Variants in FAM149B1 observed in about 807,000 individuals in gnomAD.
The protein encoded by FAM149B1 is family with sequence similarity 149 member B1.
Under a neutral mutation model 75.3 loss-of-function variants are expected in FAM149B1, and 56 were observed. The ratio of observed to expected loss-of-function variants is 0.74; its 90% CI spans 0.60 to 0.93. FAM149B1 has a LOEUF of 0.93. FAM149B1 is among the 40% of genes least tolerant of loss of function. FAM149B1 has a pLI of 0.00. For synonymous variants in FAM149B1, 259 were observed against 256.1 expected, an observed-to-expected ratio of 1.01 and a Z score of -0.11; for missense variants, 639 against 708.4, an observed-to-expected ratio of 0.90 and a Z score of 1.11.
chr10:73,171,251 A>T (rs922547868), intron 1 of FAM149B1, among the ~76,000 whole-genome samples: 6 of 151,894 alleles, frequency 4.0e-5, no homozygotes, highest in African/African-American at 1.5e-4. Context: ...CTTGTTCTTG[A>T]TTGTTGATTT....
chr10:73,205,026 G>A (rs2043024741), intron 5 of FAM149B1, among the ~76,000 whole-genome samples: 1 of 119,860 alleles, frequency 8.3e-6, no homozygotes, highest in African/African-American at 3.2e-5. Context: ...TGTTAGCCAG[G>A]ATGGTCTCAA....
At chr10:73,169,475 G>A (rs1448929979) in intron 1 of FAM149B1, among the ~76,000 whole-genome samples, 1 of 114,022 alleles carries the variant, frequency 8.8e-6, no homozygotes, top group Non-Finnish European at 1.8e-5. Flanking sequence ...TTTTTTTTTT[G>A]GAGACAGGGT....
intron 4 of FAM149B1, 87 bp downstream of exon 4, chr10:73,192,785 T>A (rs2042715289): frequency 8.2e-7 from 1 of 1,226,808 alleles, no homozygotes; most frequent in Non-Finnish European, 1.1e-6. Flanking sequence ...TATTCTGAAA[T>A]CTTTATGAGC....
In FAM149B1 at chr10:73,220,418, G is replaced by C. The variant is rs573417582; in HGVS notation, c.899-7642G>C. 5.9e-5 allele frequency among the ~76,000 whole-genome samples: 9 copies of C among 152,072 alleles called. No homozygotes were observed. In the South Asian group the frequency reaches 6.2e-4, roughly 11 times the overall value. On this transcript the variant is annotated intron_variant, in intron 7 of 13. Coordinates refer to ENST00000242505, the MANE Select transcript of FAM149B1 (RefSeq NM_173348.2). ...AAAGACCAAGAAAATTCCACTCCTAGGTATATAAAAAAGAGAACTGAAAAC... is the reference window on the plus strand; with the variant it reads ...AAAGACCAAGAAAATTCCACTCCTACGTATATAAAAAAGAGAACTGAAAAC...
intron 12 of FAM149B1, among the ~76,000 whole-genome samples, chr10:73,236,725 C>CTTTTTT (rs112151486): frequency 7.4e-6 from 1 of 135,806 alleles, no homozygotes; most frequent in African/African-American, 2.7e-5. Context: ...TTTTTCTTTT[C>CTTTTTT]TTTTTTTTTT....
intron 5 of FAM149B1, among the ~76,000 whole-genome samples, chr10:73,199,583 C>G (rs1000070960): frequency 4.0e-5 from 6 of 151,820 alleles, no homozygotes; most frequent in African/African-American, 1.2e-4. Context: ...GTTGCCCAGG[C>G]TGTCCTCAAA....
intron 3 of FAM149B1, 125 bp from the exon 4 acceptor site, chr10:73,192,431 C>A: frequency 2.2e-6 from 2 of 894,074 alleles, no homozygotes; most frequent in Non-Finnish European, 3.3e-6. Flanking sequence ...TTCGTGGAAA[C>A]ACAGCAGTAT....
At chr10:73,220,577 TC>T (rs1231469480) in intron 7 of FAM149B1, among the ~76,000 whole-genome samples, 1 of 152,100 alleles carries the variant, frequency 6.6e-6, no homozygotes, top group Non-Finnish European at 1.5e-5. Flanking sequence ...ATGAATTGTT[TC>T]CCCCCTAAAA....
chr10:73,215,497 C>T (rs1015201258), intron 7 of FAM149B1, among the ~76,000 whole-genome samples: 1 of 152,174 alleles, frequency 6.6e-6, no homozygotes, highest in Non-Finnish European at 1.5e-5. Flanking sequence ...GCCAGGATTA[C>T]AGGTGTGAGA....
At chr10:73,175,451 C>T (rs1418034533) in intron 2 of FAM149B1, among the ~76,000 whole-genome samples, 3 of 151,892 alleles carry the variant, frequency 2.0e-5, no homozygotes, top group Non-Finnish European at 4.4e-5. Context: ...GCACGGATCA[C>T]GAGGTCAGGA....
rs141768705 is a variant in FAM149B1, at chr10:73,185,166, G to A, written c.282+7191G>A. Among the ~76,000 whole-genome samples, 604 of 152,218 alleles carry A rather than the reference G, an allele frequency of 4.0e-3. 31 individuals are homozygous for A. The East Asian group carries it at 0.1, about 26-fold the overall frequency. On this transcript the variant is annotated intron_variant, in intron 3 of 13. Transcript: ENST00000242505. ...ACATAAATTAACAAATTGACTTAAA[G>A]AAAAATTAAAAATTTAAACAGCTCC... is the stretch of plus-strand genomic sequence containing the variant.
chr10:73,221,118 T>A (rs2043403882), intron 7 of FAM149B1, among the ~76,000 whole-genome samples: 1 of 152,168 alleles, frequency 6.6e-6, no homozygotes, highest in African/African-American at 2.4e-5. Context: ...GGGGGATGGA[T>A]GAAGAGGGAA....
intron 7 of FAM149B1, among the ~76,000 whole-genome samples, chr10:73,226,451 G>T (rs926568647): frequency 6.6e-6 from 1 of 152,160 alleles, no homozygotes; most frequent in Non-Finnish European, 1.5e-5. Context: ...CTTGCAGTGA[G>T]CGGAGCTTGC....
chr10:73,204,212 C>T lies in FAM149B1; in HGVS notation c.543-4407C>T, dbSNP rs574291302. On this transcript the variant is annotated intron_variant, in intron 5 of 13. Coordinates refer to ENST00000242505, the MANE Select transcript of FAM149B1 (RefSeq NM_173348.2). The stretch of plus-strand genomic sequence containing the variant: ...TAATCTCAGCTCACTGCAACCTCCA[C>T]CCCACAGGTTCAAGCAATTCTCCTG... Among the ~76,000 whole-genome samples, 293 of 152,234 alleles carry T rather than the reference C, an allele frequency of 1.9e-3. 3 individuals are homozygous for T. Among genetic ancestry groups the T allele is most frequent in the African/African-American group, 6.6e-3 (276 of 41,542 alleles).
intron 3 of FAM149B1, among the ~76,000 whole-genome samples, chr10:73,189,586 C>T (rs749335879): frequency 6.6e-6 from 1 of 152,162 alleles, no homozygotes; most frequent in Admixed American, 6.5e-5. Context: ...ATAATTAATA[C>T]ATGCAATAAC....
intron 3 of FAM149B1, among the ~76,000 whole-genome samples, chr10:73,182,766 T>C (rs764976266): frequency 2.6e-5 from 4 of 152,166 alleles, no homozygotes; most frequent in Non-Finnish European, 5.9e-5. Context: ...CCTCAGATAT[T>C]GTGGAGCAGA....
intron 1 of FAM149B1, among the ~76,000 whole-genome samples, chr10:73,172,587 A>G: frequency 6.6e-6 from 1 of 152,192 alleles, no homozygotes; most frequent in Admixed American, 6.5e-5. Flanking sequence ...AACCTATTAC[A>G]GTTCCTGAAT....
chr10:73,190,804 G>A (rs184462134), intron 3 of FAM149B1, among the ~76,000 whole-genome samples: 6 of 150,104 alleles, frequency 4.0e-5, no homozygotes, highest in African/African-American at 4.9e-5. Flanking sequence ...CTACAGCCTC[G>A]AACTCTAGGG....
chr10:73,182,842 A>G (rs1023808903), intron 3 of FAM149B1, among the ~76,000 whole-genome samples: 1 of 152,200 alleles, frequency 6.6e-6, no homozygotes, highest in African/African-American at 2.4e-5. Flanking sequence ...GAGATAATAC[A>G]TGATTATTGT....
Sources: gnomAD v4.1 joint callset for allele counts (sites outside exome capture counted in the v4.1 genomes callset) on GRCh38, gnomAD v4.1.1 for gene constraint, MANE v1.5 for transcripts, NCBI Gene and HGNC (gene_info 2026-07-23, HGNC 2026-07-21) for gene names.